Variants in NALF1 observed in about 807,000 individuals in gnomAD.
NALF1 encodes family with sequence similarity 155 member A.
A neutral mutation model predicts 48.4 loss-of-function variants in NALF1; 3 were observed. The ratio of observed to expected loss-of-function variants is 0.06; its 90% CI spans 0.03 to 0.16. The LOEUF (loss-of-function observed/expected upper bound fraction) is 0.16, where lower values mean the gene tolerates loss of function less well. Ranked by LOEUF, NALF1 falls within the 10% of genes least tolerant of loss-of-function variation. NALF1 has a pLI of 1.00. For synonymous variants in NALF1, 262 were observed against 245.7 expected (o/e 1.07, Z -0.62); for missense variants, 526 against 571.5 (o/e 0.92, Z 0.81).
intron 1 of NALF1, among the ~76,000 whole-genome samples, chr13:107,770,808 T>C (rs1214385287): frequency 6.6e-6 from 1 of 152,258 alleles, no homozygotes; most frequent in African/African-American, 2.4e-5. Context: ...AAATCTTTAA[T>C]GACCTGACTT....
At chr13:107,653,194 T>A (rs1390309286) in intron 1 of NALF1, among the ~76,000 whole-genome samples, 1 of 152,118 alleles carries the variant, frequency 6.6e-6, no homozygotes, top group South Asian at 2.1e-4. Flanking sequence ...TTTTACCACA[T>A]TAAATTAGAT....
intron 1 of NALF1, among the ~76,000 whole-genome samples, chr13:107,323,946 T>C (rs75015700): frequency 0.04 from 6,102 of 152,148 alleles, 153 homozygotes; most frequent in Middle Eastern, 0.092. Context: ...CCTATCCCTA[T>C]GAATAATTGA....
intron 1 of NALF1, among the ~76,000 whole-genome samples, chr13:107,265,452 T>G (rs2138857936): frequency 6.6e-6 from 1 of 152,290 alleles, no homozygotes; most frequent in South Asian, 2.1e-4. Context: ...AGAGTTTCAC[T>G]TTTGTCACCC....
At chr13:107,461,147 T>C (rs1002239944) in intron 1 of NALF1, among the ~76,000 whole-genome samples, 3 of 152,086 alleles carry the variant, frequency 2.0e-5, no homozygotes, top group African/African-American at 7.2e-5. Flanking sequence ...AGACCCAAGC[T>C]ATGGATTAAA....
chr13:107,845,018 A>G (rs1248560963), intron 1 of NALF1, among the ~76,000 whole-genome samples: 1 of 152,230 alleles, frequency 6.6e-6, no homozygotes, highest in Non-Finnish European at 1.5e-5. Flanking sequence ...GAGTTTTGGA[A>G]ATTTACAACA....
chr13:107,634,321 T>A (rs908178074), intron 1 of NALF1, among the ~76,000 whole-genome samples: 34 of 152,094 alleles, frequency 2.2e-4, no homozygotes, highest in Admixed American at 1.8e-3. Flanking sequence ...GGGTACAATG[T>A]ATGTTACACT....
At chr13:107,640,996 T>C (rs1176887430) in intron 1 of NALF1, among the ~76,000 whole-genome samples, 1 of 152,156 alleles carries the variant, frequency 6.6e-6, no homozygotes, top group Admixed American at 6.5e-5. Flanking sequence ...AGCCAAAATA[T>C]GAAATCAACC....
At chr13:107,359,786 G>T (rs574718080) in intron 1 of NALF1, among the ~76,000 whole-genome samples, 45 of 152,206 alleles carry the variant, frequency 3.0e-4, no homozygotes, top group African/African-American at 1.1e-3. Context: ...TTGTTAGTTT[G>T]CCTTCAGAAC....
At chr13:107,496,006 T>C (rs1875322040) in intron 1 of NALF1, among the ~76,000 whole-genome samples, 1 of 152,186 alleles carries the variant, frequency 6.6e-6, no homozygotes, top group Admixed American at 6.6e-5. Context: ...TAAAATTACA[T>C]ATATTTTTGA....
chr13:107,338,018 T>G (rs948988591), intron 1 of NALF1, among the ~76,000 whole-genome samples: 1 of 152,222 alleles, frequency 6.6e-6, no homozygotes, highest in Non-Finnish European at 1.5e-5. Flanking sequence ...AGCTGTTACA[T>G]ACAAAGTGTC....
chr13:107,355,701 T>TGAGG (rs1882951743), intron 1 of NALF1, among the ~76,000 whole-genome samples: 1 of 152,102 alleles, frequency 6.6e-6, no homozygotes, highest in Non-Finnish European at 1.5e-5. Context: ...CCTTCTACCA[T>TGAGG]GATTGTAAGT....
intron 1 of NALF1, among the ~76,000 whole-genome samples, chr13:107,495,282 A>G (rs963012144): frequency 2.6e-5 from 4 of 152,204 alleles, no homozygotes; most frequent in African/African-American, 9.6e-5. Flanking sequence ...CAGCAACAAC[A>G]ATGTCAACAA....
Position 107,312,843 on chromosome 13 carries a change from T to C in NALF1, c.916-102088A>G, listed in dbSNP as rs550149670. Among the ~76,000 whole-genome samples, 48 of 152,312 alleles carry C rather than the reference T, an allele frequency of 3.2e-4. 1 individual carries two copies. The South Asian group carries it at 1.0e-2, about 32-fold the overall frequency. On this transcript the variant is annotated intron_variant, in intron 1 of 2. Transcript: ENST00000375915. Reference sequence around the variant, plus strand: ...ATGGAAAAATGTGAAAATTCTCATCTACCAATATAAAATTATCCAATCAGC... The same window carrying C: ...ATGGAAAAATGTGAAAATTCTCATCCACCAATATAAAATTATCCAATCAGC...
intron 1 of NALF1, among the ~76,000 whole-genome samples, chr13:107,535,644 G>A (rs1264249731): frequency 4.0e-4 from 61 of 152,132 alleles, no homozygotes; most frequent in East Asian, 2.5e-3. Flanking sequence ...GAAAATGGCC[G>A]TACTGCCCAA....
At chr13:107,308,453 C>T (rs888949365) in intron 1 of NALF1, among the ~76,000 whole-genome samples, 3 of 152,162 alleles carry the variant, frequency 2.0e-5, no homozygotes, top group African/African-American at 7.2e-5. Context: ...CCGCCCGCCT[C>T]GGCCTCCCAA....
At chr13:107,635,279 A>G (rs944608824) in intron 1 of NALF1, among the ~76,000 whole-genome samples, 2 of 152,054 alleles carry the variant, frequency 1.3e-5, no homozygotes, top group African/African-American at 2.4e-5. Context: ...ATGGCTCGGG[A>G]GGCCTCAGGA....
intron 1 of NALF1, among the ~76,000 whole-genome samples, chr13:107,231,486 C>T (rs1880224129): frequency 6.6e-6 from 1 of 152,128 alleles, no homozygotes; most frequent in African/African-American, 2.4e-5. Context: ...AGTTGCATTA[C>T]CTTCAGACTA....
intron 1 of NALF1, among the ~76,000 whole-genome samples, chr13:107,694,017 C>T (rs548688872): frequency 6.6e-6 from 1 of 152,286 alleles, no homozygotes; most frequent in African/African-American, 2.4e-5. Flanking sequence ...TTGATCATAA[C>T]ACCTGACTTT....
intron 1 of NALF1, among the ~76,000 whole-genome samples, chr13:107,810,858 T>C (rs573302306): frequency 3.3e-5 from 5 of 152,250 alleles, no homozygotes; most frequent in African/African-American, 1.2e-4. Flanking sequence ...CTTTCGCATA[T>C]TGGTCAATCT....
Sources: allele counts gnomAD v4.1 joint callset (sites outside exome capture counted in the v4.1 genomes callset), GRCh38; gene constraint gnomAD v4.1.1; transcripts MANE v1.5; gene names NCBI Gene and HGNC (gene_info 2026-07-23, HGNC 2026-07-21).